ZNF91: variants seen among roughly 807,000 people sequenced by gnomAD.
ZNF91 encodes zinc finger protein 91.
In ZNF91, 7 loss-of-function variants were observed where a neutral mutation model predicts 12.6. The ratio of observed to expected loss-of-function variants is 0.55; its 90% CI spans 0.31 to 1.04. ZNF91 has a LOEUF of 1.04. Ranked by LOEUF, ZNF91 falls within the 50% of genes least tolerant of loss-of-function variation. ZNF91 has a pLI of 0.05. For missense variants in ZNF91, 1,217 were observed against 1,385.4 expected (o/e 0.88, Z 1.93); for synonymous variants, 453 against 462.6 (o/e 0.98, Z 0.27).
chr19:23,333,499 A>G (rs1967958686), intron 1 of ZNF91, among the ~76,000 whole-genome samples: 1 of 152,218 alleles, frequency 6.6e-6, no homozygotes, highest in Admixed American at 6.5e-5. Context: ...AGGAGGAGCC[A>G]CATGTACTGG....
At chr19:23,369,385 G>T (rs1020962735) in intron 3 of ZNF91, among the ~76,000 whole-genome samples, 1 of 151,718 alleles carries the variant, frequency 6.6e-6, no homozygotes, top group African/African-American at 2.4e-5. Flanking sequence ...CCGGGAGGGA[G>T]GTGGGGTGCG....
chr19:23,336,141 C>A (rs1968004017), downstream of ZNF91, among the ~76,000 whole-genome samples: 1 of 152,100 alleles, frequency 6.6e-6, no homozygotes, highest in Non-Finnish European at 1.5e-5. Flanking sequence ...GTAATTTTAA[C>A]TAATATATTA....
At chr19:23,388,900 T>C (rs2145136670) in intron 1 of ZNF91, among the ~76,000 whole-genome samples, 1 of 151,636 alleles carries the variant, frequency 6.6e-6, no homozygotes, top group East Asian at 1.9e-4. Flanking sequence ...AGAAAACAAA[T>C]GCGTAAATGG....
At chr19:23,386,913 CA>C (rs1969891690) in intron 1 of ZNF91, among the ~76,000 whole-genome samples, 1 of 152,148 alleles carries the variant, frequency 6.6e-6, no homozygotes, top group Admixed American at 6.6e-5. Context: ...ATGCTTCTGA[CA>C]AACGTCTAAT....
intron 3 of ZNF91, among the ~76,000 whole-genome samples, chr19:23,305,756 G>A (rs1967388821): frequency 6.6e-6 from 1 of 152,172 alleles, no homozygotes; most frequent in Admixed American, 6.5e-5. Context: ...AATCAAGACT[G>A]GCCCCCAGTG....
In ZNF91 at chr19:23,362,171, C is replaced by T. The variant is rs1185860064; in HGVS notation, c.808G>A (p.Glu270Lys). 6.2e-7 allele frequency: 1 copy of T among 1,613,132 alleles called. No homozygotes were observed. ...GACCATAGAAATGCTTTGCCACATT[C>T]TTCACACTTGTAGATTTTCTCTTTA... is the stretch of plus-strand genomic sequence containing the variant. Reference protein sequence around the residue: ...CAKEKIYKCEECGKAFLWSST... With the variant: ...CAKEKIYKCEKCGKAFLWSST... Residue 270 changes from glutamate (E) to lysine (K), a missense_variant, in exon 4 of 4, where the codon GAA becomes AAA. Glu to Lys is a moderately conservative substitution (Grantham distance 56). This residue lies in a region of ZNF91 where 726 missense variants were observed against 895.5 expected (regional missense o/e 0.81). Coordinates refer to ENST00000300619, the MANE Select transcript of ZNF91 (RefSeq NM_003430.4).
chr19:23,384,068 C>T (rs1038409421), intron 1 of ZNF91, among the ~76,000 whole-genome samples: 2 of 152,098 alleles, frequency 1.3e-5, no homozygotes, highest in African/African-American at 4.8e-5. Flanking sequence ...GAGATCGTGC[C>T]ACTACCCTCC....
rs771420162 is a variant in ZNF91 at position 23,359,892 on chromosome 19, T to A, written c.3087A>T (p.Lys1029Asn). 45 of 1,585,390 alleles carry A rather than the reference T, an allele frequency of 2.8e-5. No individual in the cohort carries two copies. Among genetic ancestry groups the A allele is most frequent in the Non-Finnish European group, 3.9e-5 (45 of 1,157,606 alleles). The change falls in exon 4 of 4, where the codon AAA becomes AAT. Residue 1029 changes from lysine (K) to asparagine (N), a missense_variant. Physicochemically the swap from Lys to Asn is moderately conservative, Grantham distance 94 (BLOSUM62 0). This residue lies in a region of ZNF91 where 491 missense variants were observed against 489.8 expected (regional missense o/e 1.00). Transcript: ENST00000300619. ...TAAGCTTTGAGGATCGATTAAAAGC[T>A]TTGCCACATTCTTCACATTTGTATG... ...EKPYKCEECG[K>N]AFNRSSKLTT...
chr19:23,305,095 G>C, exon 4 of ZNF91: 1 of 152,114 alleles, frequency 6.6e-6, no homozygotes, highest in Admixed American at 6.6e-5. Context: ...TTCTTGAATT[G>C]GGGTAGAAAA....
intron 1 of ZNF91, chr19:23,326,618 T>A (rs1366551226): frequency 1.3e-5 from 2 of 152,148 alleles, no homozygotes; most frequent in Admixed American, 1.3e-4. Flanking sequence ...TAAGACACCA[T>A]GCCTGGACTT....
intron 3 of ZNF91, among the ~76,000 whole-genome samples, chr19:23,369,453 C>T (rs1286071815): frequency 1.3e-5 from 2 of 152,010 alleles, no homozygotes; most frequent in Non-Finnish European, 2.9e-5. Flanking sequence ...CCGGCCGCCC[C>T]TTCTGGGAAG....
intron 3 of ZNF91, among the ~76,000 whole-genome samples, chr19:23,370,218 C>T (rs1029998943): frequency 2.2e-4 from 33 of 151,300 alleles, no homozygotes; most frequent in African/African-American, 7.3e-4. Context: ...TATTATTCAA[C>T]CTTAAAAAAA....
chr19:23,310,844 C>T (rs1026432196), upstream of ZNF91, among the ~76,000 whole-genome samples: 4 of 152,164 alleles, frequency 2.6e-5, no homozygotes, highest in Non-Finnish European at 4.4e-5. Flanking sequence ...TCGCTGGACT[C>T]AACACCAAGG....
At position 23,366,287 on chromosome 19, in the gene ZNF91, C is replaced by T. The variant is rs561556365; in HGVS notation, c.254-3562G>A. Among the ~76,000 whole-genome samples the T allele has an allele frequency of 2.6e-4, 40 of 152,064 alleles. 1 individual carries two copies. The highest frequency in any genetic ancestry group is 1.0e-4 in the Non-Finnish European group (7 of 67,898). ...CTCCCAGACGGGGCGGCTGGCCTGG[C>T]GGGGGGCTGACCAGAAGTCTTTACT... On this transcript the variant is annotated intron_variant, in intron 3 of 3. Transcript: ENST00000300619.
rs200808916 is a variant in ZNF91, at chr19:23,349,480, T to C, written c.254-10426A>G. On this transcript the variant is annotated intron_variant, in intron 3 of 3. Transcript: ENST00000599743. The stretch of plus-strand genomic sequence containing the variant: ...TCTTGGGGCCTCTACCCTTCCCAGA[T>C]TCTGAGCCATTCAGGAATTACCTCC... Among the ~76,000 whole-genome samples the C allele has an allele frequency of 6.6e-5, 10 of 152,312 alleles. No individual in the cohort carries two copies. In the East Asian group the frequency reaches 1.9e-3, roughly 29 times the overall value.
intron 1 of ZNF91, among the ~76,000 whole-genome samples, chr19:23,384,024 C>T (rs754815761): frequency 1.3e-5 from 2 of 152,114 alleles, no homozygotes; most frequent in Non-Finnish European, 2.9e-5. Context: ...ACAGGATAAT[C>T]GCTTGAACCT....
intron 1 of ZNF91, among the ~76,000 whole-genome samples, chr19:23,384,231 T>A (rs1969804367): frequency 1.3e-5 from 2 of 152,310 alleles, no homozygotes; most frequent in South Asian, 4.1e-4. Flanking sequence ...GAATAGCTCT[T>A]TAAACTTACA....
intron 1 of ZNF91, 51 bp from the exon 2 acceptor site, chr19:23,374,815 T>C (rs1200106852): frequency 6.3e-7 from 1 of 1,590,778 alleles, no homozygotes; most frequent in African/African-American, 1.4e-5. Context: ...ATGGGCAGAA[T>C]TTTTCATTTG....
intron 1 of ZNF91, among the ~76,000 whole-genome samples, chr19:23,392,396 C>CAAAAAAAAAAAAA (rs71163502): frequency 2.8e-5 from 2 of 70,400 alleles, no homozygotes; most frequent in Non-Finnish European, 2.8e-5. Flanking sequence ...AACTCCATCT[C>CAAAAAAAAAAAAA]AAAAAAAAAA....
Sources: allele counts gnomAD v4.1 joint callset (sites outside exome capture counted in the v4.1 genomes callset), GRCh38; gene constraint gnomAD v4.1.1; regional missense constraint gnomAD v4.1.1; transcripts MANE v1.5; gene names NCBI Gene and HGNC (gene_info 2026-07-23, HGNC 2026-07-21).